Variants in DAB2IP observed in about 807,000 individuals in gnomAD.
DAB2IP encodes disabled homolog 2-interacting protein.
In DAB2IP, 28 loss-of-function variants were observed where a neutral mutation model predicts 107.2. That is an observed-to-expected ratio of 0.26 (90% CI 0.19 to 0.36). The LOEUF is 0.36. Among genes scored for constraint, DAB2IP ranks in the 10% least tolerant of loss-of-function variants. The probability of loss-of-function intolerance (pLI) is 1.00; values close to 1 mark genes in which losing one functional copy is unlikely to be tolerated. For synonymous variants in DAB2IP, 755 were observed against 706.4 expected, an observed-to-expected ratio of 1.07 and a Z score of -1.09; for missense variants, 1,400 against 1,644.7, an observed-to-expected ratio of 0.85 and a Z score of 2.57.
chr9:121,763,606 G>A (rs763875376), exon 7 of DAB2IP: 5 of 1,613,882 alleles, frequency 3.1e-6, no homozygotes, highest in Non-Finnish European at 4.2e-6. Flanking sequence ...CCATTGAGGA[G>A]TACCTCAAGC....
At chr9:121,721,654 A>G (rs536838501) in intron 3 of DAB2IP, among the ~76,000 whole-genome samples, 41 of 152,384 alleles carry the variant, frequency 2.7e-4, no homozygotes, top group Admixed American at 5.2e-4. Flanking sequence ...AAAATTTCAC[A>G]TCTTTAAATG....
intron 1 of DAB2IP, among the ~76,000 whole-genome samples, chr9:121,596,209 T>C (rs537863009): frequency 1.1e-4 from 17 of 152,284 alleles, no homozygotes; most frequent in African/African-American, 4.1e-4. Flanking sequence ...CGCATGCCTG[T>C]AATCTCAGCT....
chr9:121,763,706 C>T (rs1232572683), intron 7 of DAB2IP, 29 bp from the exon 8 acceptor site: 31 of 1,612,286 alleles, frequency 1.9e-5, no homozygotes, highest in Non-Finnish European at 2.5e-5. Flanking sequence ...CAGGTCCTCA[C>T]TCCCCACTCC....
chr9:121,746,598 C>T (rs903688267), intron 3 of DAB2IP, among the ~76,000 whole-genome samples: 2 of 152,084 alleles, frequency 1.3e-5, no homozygotes, highest in Non-Finnish European at 2.9e-5. Context: ...CGTGGCATGG[C>T]GCCCAGGTCT....
intron 1 of DAB2IP, among the ~76,000 whole-genome samples, chr9:121,673,441 G>C (rs897035108): frequency 2.0e-5 from 3 of 152,040 alleles, no homozygotes; most frequent in Non-Finnish European, 4.4e-5. Flanking sequence ...CATTTGAAAG[G>C]GTCCAGAACA....
intron 1 of DAB2IP, among the ~76,000 whole-genome samples, chr9:121,658,428 G>A (rs1347796826): frequency 6.6e-6 from 1 of 152,222 alleles, no homozygotes. Context: ...GCAGGGAGGA[G>A]GGGTTTGAGA....
chr9:121,577,972 A>T (rs993565796), intron 1 of DAB2IP, among the ~76,000 whole-genome samples: 7 of 151,780 alleles, frequency 4.6e-5, no homozygotes, highest in African/African-American at 1.7e-4. Flanking sequence ...AGAGGTGGAG[A>T]TCTCTCCCTC....
chr9:121,712,932 C>T (rs1830407662), intron 3 of DAB2IP, among the ~76,000 whole-genome samples: 1 of 152,228 alleles, frequency 6.6e-6, no homozygotes, highest in Admixed American at 6.5e-5. Flanking sequence ...GCTTCCCATC[C>T]ACACCGGCAC....
chr9:121,571,983 C>T (rs11793911), intron 1 of DAB2IP, among the ~76,000 whole-genome samples: 2,218 of 151,612 alleles, frequency 0.015, 28 homozygotes, highest in Admixed American at 0.03. Flanking sequence ...ATTGGGGTGA[C>T]GGCCAGACAA....
chr9:121,609,113 TTG>T (rs1243472651), intron 1 of DAB2IP, among the ~76,000 whole-genome samples: 2 of 152,184 alleles, frequency 1.3e-5, no homozygotes, highest in African/African-American at 4.8e-5. Context: ...AGCTATTTTT[TTG>T]TGTGTTTTTA....
intron 3 of DAB2IP, among the ~76,000 whole-genome samples, chr9:121,721,178 C>G (rs1292314213): frequency 6.6e-6 from 1 of 152,174 alleles, no homozygotes; most frequent in Admixed American, 6.5e-5. Flanking sequence ...GGCACAGCTT[C>G]TGATGTAAAG....
At chr9:121,631,367 CAG>C (rs1301018274) in intron 1 of DAB2IP, among the ~76,000 whole-genome samples, 2 of 152,046 alleles carry the variant, frequency 1.3e-5, no homozygotes, top group African/African-American at 2.4e-5. Flanking sequence ...ACGTAAGAGA[CAG>C]GGGAAAGCAG....
At chr9:121,620,995 G>C (rs1831442361) in intron 1 of DAB2IP, among the ~76,000 whole-genome samples, 1 of 152,136 alleles carries the variant, frequency 6.6e-6, no homozygotes, top group Non-Finnish European at 1.5e-5. Flanking sequence ...GCATTCACCT[G>C]CTCCCCCAGG....
At chr9:121,717,759 C>T (rs541279495) in intron 3 of DAB2IP, among the ~76,000 whole-genome samples, 5 of 152,294 alleles carry the variant, frequency 3.3e-5, no homozygotes, top group Middle Eastern at 6.8e-3. Flanking sequence ...AGCACCACCT[C>T]CCTCTTCTTT....
At position 121,599,319 on chromosome 9, in the gene DAB2IP, A is replaced by G. The variant is rs1281439933; in HGVS notation, c.40+32091A>G. Among the ~76,000 whole-genome samples the G allele has an allele frequency of 6.6e-6, 1 of 152,120 alleles. No individual in the cohort carries two copies. Among genetic ancestry groups the G allele is most frequent in the Non-Finnish European group, 1.5e-5 (1 of 68,000 alleles). ...CCCGCCGGCATCTCGGGCCGGCACC[A>G]GGCTGGGGAGCGTGTGCTCGGAGCG... On this transcript the variant is annotated intron_variant, in intron 1 of 16. Transcript: ENST00000259371. The surrounding 1 kb of genome is among the most constrained non-coding windows in gnomAD (Gnocchi z 6.9).
At chr9:121,595,269 A>G (rs1830505177) in intron 1 of DAB2IP, among the ~76,000 whole-genome samples, 1 of 152,086 alleles carries the variant, frequency 6.6e-6, no homozygotes, top group South Asian at 2.1e-4. Context: ...AGAATAAAAC[A>G]AACACTGTGT....
intron 1 of DAB2IP, among the ~76,000 whole-genome samples, chr9:121,670,757 C>T (rs1741198821): frequency 1.3e-5 from 2 of 152,224 alleles, no homozygotes; most frequent in South Asian, 4.1e-4. Flanking sequence ...TGGGTCACGG[C>T]TGTGATCCAA....
intron 3 of DAB2IP, among the ~76,000 whole-genome samples, chr9:121,728,395 G>A (rs1274512260): frequency 6.6e-6 from 1 of 152,198 alleles, no homozygotes; most frequent in African/African-American, 2.4e-5. Flanking sequence ...GGAGGAGTCT[G>A]ATCCAAGTTT....
intron 1 of DAB2IP, among the ~76,000 whole-genome samples, chr9:121,617,470 T>C (rs1340233520): frequency 6.6e-6 from 1 of 152,228 alleles, no homozygotes; most frequent in African/African-American, 2.4e-5. Context: ...TCAGGCTCTC[T>C]CATCTCAAGC....
Sources: gnomAD v4.1 joint callset for allele counts (sites outside exome capture counted in the v4.1 genomes callset) on GRCh38, gnomAD v4.1.1 for gene constraint, Gnocchi (gnomAD v3.1) non-coding constraint, MANE v1.5 for transcripts, NCBI Gene and HGNC (gene_info 2026-07-23, HGNC 2026-07-21) for gene names.